CACNB4: variants seen among roughly 807,000 people sequenced by gnomAD.
The protein encoded by CACNB4 is voltage-dependent L-type calcium channel subunit beta-4.
A neutral mutation model predicts 71.2 loss-of-function variants in CACNB4; 32 were observed. That is an observed-to-expected ratio of 0.45 (90% CI 0.34 to 0.60). The LOEUF (loss-of-function observed/expected upper bound fraction) is 0.60, where lower values mean the gene tolerates loss of function less well. Ranked by LOEUF, CACNB4 falls within the 20% of genes least tolerant of loss-of-function variation. The probability of loss-of-function intolerance (pLI) is 0.01; values close to 1 mark genes in which losing one functional copy is unlikely to be tolerated. For missense variants in CACNB4, 464 were observed against 647.9 expected (o/e 0.72, Z 3.08); for synonymous variants, 231 against 236.9 (o/e 0.97, Z 0.23).
intron 9 of CACNB4, among the ~76,000 whole-genome samples, chr2:151,864,113 C>G (rs112348970): frequency 6.6e-6 from 1 of 152,114 alleles, no homozygotes; most frequent in Non-Finnish European, 1.5e-5. Context: ...TGCTGAGACC[C>G]CCTAGTCTCA....
chr2:151,917,466 G>A (rs2099857812), intron 2 of CACNB4, among the ~76,000 whole-genome samples: 2 of 152,148 alleles, frequency 1.3e-5, no homozygotes, highest in Non-Finnish European at 2.9e-5. Flanking sequence ...CACATAAAGA[G>A]CTCCGCACAG....
At chr2:151,863,504 C>A (rs919400144) in intron 9 of CACNB4, among the ~76,000 whole-genome samples, 1 of 152,184 alleles carries the variant, frequency 6.6e-6, no homozygotes, top group African/African-American at 2.4e-5. Flanking sequence ...CAGAATTCAA[C>A]TTTCTAGACC....
intron 2 of CACNB4, among the ~76,000 whole-genome samples, chr2:151,956,375 A>T (rs1011430203): frequency 2.0e-5 from 3 of 152,246 alleles, no homozygotes; most frequent in Non-Finnish European, 4.4e-5. Flanking sequence ...AAGAAATGAA[A>T]TGCTGATAAA....
chr2:151,919,530 T>C (rs1185807528), intron 2 of CACNB4, among the ~76,000 whole-genome samples: 1 of 152,214 alleles, frequency 6.6e-6, no homozygotes. Context: ...ATGCAAAATG[T>C]AACAGGGCAC....
intron 2 of CACNB4, among the ~76,000 whole-genome samples, chr2:152,046,087 ATTAG>A (rs1685129924): frequency 6.6e-6 from 1 of 152,238 alleles, no homozygotes. Flanking sequence ...TAAAATCAAC[ATTAG>A]TTAGCTTTTT....
At position 151,902,986 on chromosome 2, in the gene CACNB4, C is replaced by T. The variant is rs562650015; in HGVS notation, c.148-19616G>A. On this transcript the variant is annotated intron_variant, in intron 2 of 13. Coordinates refer to ENST00000539935, the MANE Select transcript of CACNB4 (RefSeq NM_000726.5). ...TTTCAATCTCTCTCGAAGGATTGCT[C>T]GCCAATTTCTCCTAGCAATTTGGAA... 3.3e-5 allele frequency among the ~76,000 whole-genome samples: 5 copies of T among 152,212 alleles called. No homozygotes were observed. The East Asian group carries it at 7.7e-4, about 24-fold the overall frequency.
chr2:151,851,605 C>G (rs1204901389), intron 12 of CACNB4: 2 of 152,184 alleles, frequency 1.3e-5, no homozygotes, highest in Non-Finnish European at 2.9e-5. Context: ...ATATGTACAA[C>G]TACTCAATGA....
intron 12 of CACNB4, among the ~76,000 whole-genome samples, chr2:151,848,485 A>G (rs1237751453): frequency 6.6e-6 from 1 of 152,194 alleles, no homozygotes; most frequent in East Asian, 1.9e-4. Context: ...GGCAGTGGAA[A>G]ATTACTACTG....
At chr2:151,997,010 C>T (rs1579095327) in intron 2 of CACNB4, among the ~76,000 whole-genome samples, 2 of 152,012 alleles carry the variant, frequency 1.3e-5, no homozygotes, top group East Asian at 1.9e-4. Context: ...GGTATAAGGG[C>T]CAAGGGGTTT....
At chr2:151,917,834 CA>C (rs35688438) in intron 2 of CACNB4, among the ~76,000 whole-genome samples, 75 of 116,204 alleles carry the variant, frequency 6.5e-4, no homozygotes, top group African/African-American at 2.1e-3. Context: ...GACACTGTCT[CA>C]AAAAAAAAAA....
intron 2 of CACNB4, among the ~76,000 whole-genome samples, chr2:152,002,608 C>T (rs1409250193): frequency 4.6e-5 from 7 of 152,204 alleles, no homozygotes; most frequent in Admixed American, 4.6e-4. Flanking sequence ...GTTAATTCAC[C>T]TCTCTGAGAC....
At chr2:151,962,191 A>G (rs767745987) in intron 2 of CACNB4, among the ~76,000 whole-genome samples, 8 of 152,326 alleles carry the variant, frequency 5.3e-5, no homozygotes, top group Non-Finnish European at 1.0e-4. Context: ...ATCCATCCAC[A>G]GGGAAAGCTG....
intron 2 of CACNB4, chr2:151,969,303 T>C (rs2099871933): frequency 6.6e-6 from 1 of 152,236 alleles, no homozygotes; most frequent in South Asian, 2.1e-4. Context: ...GGCCTTCTTG[T>C]TTCCAAAAGA....
intron 2 of CACNB4, among the ~76,000 whole-genome samples, chr2:152,034,030 A>G (rs184439534): frequency 6.6e-6 from 1 of 152,278 alleles, no homozygotes; most frequent in African/African-American, 2.4e-5. Context: ...GGGAAAATTA[A>G]GTTCAACAGT....
At chr2:151,899,392 G>C (rs745485947) in intron 2 of CACNB4, among the ~76,000 whole-genome samples, 2 of 152,114 alleles carry the variant, frequency 1.3e-5, no homozygotes, top group Non-Finnish European at 2.9e-5. Flanking sequence ...TGGAATAAAG[G>C]GGCCTCAGAG....
At chr2:151,960,574 C>T (rs2099869413) in intron 2 of CACNB4, among the ~76,000 whole-genome samples, 1 of 152,196 alleles carries the variant, frequency 6.6e-6, no homozygotes, top group Non-Finnish European at 1.5e-5. Flanking sequence ...ATGAACATCA[C>T]CAATGAGAGC....
At chr2:151,882,178 C>T (rs2099848057) in intron 3 of CACNB4, among the ~76,000 whole-genome samples, 1 of 144,046 alleles carries the variant, frequency 6.9e-6, no homozygotes, top group Admixed American at 7.1e-5. Flanking sequence ...TGCACCGGCC[C>T]CTCTTTTTTT....
In CACNB4 at chr2:151,920,315, CTTCTTTT is replaced by C. The variant is rs2099858662; in HGVS notation, c.148-36952_148-36946del. On this transcript the variant is annotated intron_variant, in intron 2 of 13. Coordinates refer to ENST00000539935, the MANE Select transcript of CACNB4 (RefSeq NM_000726.5). ...TCTAGAGTCTTTTCTTCTTCTTCTT[CTTCTTTT>C]TTTTTTTTTTTTTTTTTGAGACAGG... Among the ~76,000 whole-genome samples, 15 of 81,052 alleles carry C rather than the reference CTTCTTTT, an allele frequency of 1.9e-4. No individual in the cohort carries two copies. The Admixed American group carries it at 2.4e-3, about 13-fold the overall frequency. 53.2% of individuals were successfully genotyped at this position (81,052 alleles called of 152,430 possible). A position where few individuals can be genotyped will look rare whatever the true frequency, so the allele number is the denominator to read the frequency against.
intron 2 of CACNB4, among the ~76,000 whole-genome samples, chr2:151,889,593 T>A (rs1357530622): frequency 6.6e-6 from 1 of 152,126 alleles, no homozygotes; most frequent in African/African-American, 2.4e-5. Context: ...TGACAATGCA[T>A]TTTTCCACAT....
Sources: gnomAD v4.1 joint callset for allele counts (sites outside exome capture counted in the v4.1 genomes callset) on GRCh38, gnomAD v4.1.1 for gene constraint, MANE v1.5 for transcripts, NCBI Gene and HGNC (gene_info 2026-07-23, HGNC 2026-07-21) for gene names.